Variants in L3MBTL2 observed in about 807,000 individuals in gnomAD.
The protein encoded by L3MBTL2 is lethal(3)malignant brain tumor-like protein 2.
In L3MBTL2, 49 loss-of-function variants were observed where a neutral mutation model predicts 86.4. The ratio of observed to expected loss-of-function variants is 0.57; its 90% CI spans 0.45 to 0.72. The LOEUF (loss-of-function observed/expected upper bound fraction) is 0.72. L3MBTL2 is among the 30% of genes least tolerant of loss of function. The pLI is 0.00. For missense variants in L3MBTL2, 755 were observed against 923.7 expected (o/e 0.82, Z 2.37); for synonymous variants, 336 against 350.6 (o/e 0.96, Z 0.47).
chr22:41,223,722 C>T (rs1021589539), intron 8 of L3MBTL2, among the ~76,000 whole-genome samples: 10 of 152,160 alleles, frequency 6.6e-5, no homozygotes, highest in African/African-American at 2.2e-4. Flanking sequence ...GTCTAAAGTG[C>T]GTTTTGTGAT....
intron 15 of L3MBTL2, 125 bp from the exon 16 acceptor site, chr22:41,229,415 C>T (rs1023041994): frequency 5.3e-5 from 55 of 1,040,436 alleles, no homozygotes; most frequent in Non-Finnish European, 7.0e-5. Context: ...GGAGTCCAGG[C>T]TTTCTGTCCC....
chr22:41,207,582 C>T (rs1470984233), intron 1 of L3MBTL2, among the ~76,000 whole-genome samples: 1 of 152,162 alleles, frequency 6.6e-6, no homozygotes, highest in Non-Finnish European at 1.5e-5. Flanking sequence ...AACTGAAGCA[C>T]TGCAAAATTG....
intron 6 of L3MBTL2, among the ~76,000 whole-genome samples, chr22:41,219,944 A>G (rs986672062): frequency 2.0e-5 from 3 of 152,274 alleles, no homozygotes; most frequent in South Asian, 4.1e-4. Flanking sequence ...GGGTTTCACT[A>G]TCTTGGCCAG....
At chr22:41,229,860 C>T (rs555088788) in intron 16 of L3MBTL2, 7 of 847,010 alleles carry the variant, frequency 8.3e-6, no homozygotes, top group African/African-American at 3.3e-5. Flanking sequence ...CCCTCTAGCC[C>T]GGCCCCGGCC....
chr22:41,208,267 C>T (rs1332059776), intron 1 of L3MBTL2: 14 of 425,980 alleles, frequency 3.3e-5, no homozygotes, highest in South Asian at 1.2e-4. Context: ...GAAGCTGGGA[C>T]TACAGGCGCA....
At chr22:41,216,803 T>G (rs1480951480) in intron 4 of L3MBTL2, among the ~76,000 whole-genome samples, 1 of 152,182 alleles carries the variant, frequency 6.6e-6, no homozygotes, top group Non-Finnish European at 1.5e-5. Flanking sequence ...CCAATCAGGT[T>G]CAGGGCGGAG....
chr22:41,209,974 A>G, intron 2 of L3MBTL2, 41 bp downstream of exon 2: 2 of 1,601,760 alleles, frequency 1.2e-6, no homozygotes. Context: ...AGGAGATAGA[A>G]GATTATAGAG....
intron 8 of L3MBTL2, among the ~76,000 whole-genome samples, chr22:41,221,667 C>G: frequency 6.6e-6 from 1 of 152,142 alleles, no homozygotes; most frequent in East Asian, 1.9e-4. Context: ...AGTGCAGTGG[C>G]GCGATCTCGG....
At chr22:41,219,596 G>T in intron 6 of L3MBTL2, 60 bp downstream of exon 6, 1 of 1,109,882 alleles carries the variant, frequency 9.0e-7, no homozygotes, top group Non-Finnish European at 1.4e-6. Flanking sequence ...CTCTAGATGG[G>T]TGAACAGTGT....
At chr22:41,230,025 G>T in intron 16 of L3MBTL2, 114 bp from the exon 17 acceptor site, 1 of 768,076 alleles carries the variant, frequency 1.3e-6, no homozygotes, top group South Asian at 1.7e-5. Context: ...GGAGGGTGAA[G>T]GTGCATCCTA....
chr22:41,210,892 G>C (rs749483535), intron 2 of L3MBTL2, among the ~76,000 whole-genome samples: 6 of 152,190 alleles, frequency 3.9e-5, no homozygotes, highest in Admixed American at 6.5e-5. Flanking sequence ...TTTCCAACGT[G>C]GATGTTGAGA....
Position 41,216,120 on chromosome 22 carries a change from C to T in L3MBTL2, c.397-19C>T. 6.2e-7 allele frequency: 1 copy of T among 1,605,798 alleles called. No homozygotes were observed. Among genetic ancestry groups the T allele is most frequent in the Non-Finnish European group, 8.5e-7 (1 of 1,175,994 alleles). On this transcript the variant is annotated intron_variant, in intron 3 of 16. Coordinates refer to ENST00000216237, the MANE Select transcript of L3MBTL2 (RefSeq NM_031488.5). Reference sequence around the variant, plus strand: ...ATCCCAGCCGCCAGGCTACACATAGCCTCTGTCCTCCTCTCCAGGGAAAAC... The same window carrying T: ...ATCCCAGCCGCCAGGCTACACATAGTCTCTGTCCTCCTCTCCAGGGAAAAC...
At chr22:41,222,532 C>G (rs764842801) in intron 8 of L3MBTL2, among the ~76,000 whole-genome samples, 4 of 151,984 alleles carry the variant, frequency 2.6e-5, no homozygotes, top group African/African-American at 9.7e-5. Flanking sequence ...TGTCTCAGCA[C>G]TTTGGGAGGC....
Position 41,209,900 on chromosome 22 carries a change from CCTCG to C in L3MBTL2, c.233_236del (p.Arg78ProfsTer107). ...GCTGCATTTGCTCAGCCCTGGGACT[CCTCG>C]CTCCTTGGATGGCAGTGGTTCTGAG... is the stretch of plus-strand genomic sequence containing the variant. On this transcript the variant is annotated frameshift_variant, in exon 2 of 17. Transcript: ENST00000216237. LOFTEE classifies it high-confidence loss of function. 6.2e-7 allele frequency: 1 copy of C among 1,613,960 alleles called. No individual in the cohort carries two copies. The highest frequency in any genetic ancestry group is 8.5e-7 in the Non-Finnish European group (1 of 1,179,928).
At chr22:41,218,109 C>T (rs139465) in intron 5 of L3MBTL2, 48,384 of 152,146 alleles carry the variant, frequency 0.32, 8,157 homozygotes, top group Middle Eastern at 0.4. Context: ...CCTGCCCCTG[C>T]GTGCCTGGGC....
In L3MBTL2 at chr22:41,225,934, G is replaced by C. The variant is rs376552822; in HGVS notation, c.1497G>C (p.Pro499=). 1 of 1,613,626 alleles carries C rather than the reference G, an allele frequency of 6.2e-7. No homozygotes were observed. The highest frequency in any genetic ancestry group is 1.3e-5 in the African/African-American group (1 of 74,906). The change falls in exon 12 of 17, where the codon CCG becomes CCC. Residue 499 remains proline, a synonymous_variant. Transcript: ENST00000216237. This position sits in a 1 kb window ranked among gnomAD's most constrained non-coding sequence, Gnocchi z 4.1. ...AGAAGAATGACATTGAGCTCACACC[G>C]CCAAAAGGTAAGACTAGAGAGGCCA... ...FCQKNDIELT[P]PKGYEAQTFN...
chr22:41,215,520 C>G (rs1255902182), intron 3 of L3MBTL2, among the ~76,000 whole-genome samples: 1 of 152,228 alleles, frequency 6.6e-6, no homozygotes, highest in Non-Finnish European at 1.5e-5. Flanking sequence ...AAATTCCTGG[C>G]CTTCCTGTTC....
At chr22:41,217,436 C>A in intron 5 of L3MBTL2, 1 of 512,996 alleles carries the variant, frequency 1.9e-6, no homozygotes, top group Non-Finnish European at 3.5e-6. Context: ...AGTTTATTTA[C>A]ATGATGGAAC....
intron 3 of L3MBTL2, chr22:41,214,273 T>G: frequency 2.8e-6 from 1 of 359,566 alleles, no homozygotes; most frequent in Non-Finnish European, 5.1e-6. Context: ...CAGTACATTT[T>G]AAACAAGAAC....
Sources: gnomAD v4.1 joint callset for allele counts (sites outside exome capture counted in the v4.1 genomes callset) on GRCh38, gnomAD v4.1.1 for gene constraint, Gnocchi (gnomAD v3.1) non-coding constraint, MANE v1.5 for transcripts, NCBI Gene and HGNC (gene_info 2026-07-23, HGNC 2026-07-21) for gene names.